Variants in ADARB2 observed in about 807,000 individuals in gnomAD.
The protein encoded by ADARB2 is inactive double-stranded RNA-specific editase B2.
A neutral mutation model predicts 62.2 loss-of-function variants in ADARB2; 25 were observed. The observed-to-expected ratio is 0.40, with a 90% CI of 0.29 to 0.56. The LOEUF (loss-of-function observed/expected upper bound fraction) is 0.56, where lower values mean the gene tolerates loss of function less well. Ranked by LOEUF, ADARB2 falls within the 20% of genes least tolerant of loss-of-function variation. The probability of loss-of-function intolerance (pLI) is 0.43; values close to 1 mark genes in which losing one functional copy is unlikely to be tolerated. For synonymous variants in ADARB2, 572 were observed against 500.8 expected, an observed-to-expected ratio of 1.14 and a Z score of -1.90; for missense variants, 1,071 against 1,077.4, an observed-to-expected ratio of 0.99 and a Z score of 0.08.
At chr10:1,288,404 C>T (rs376317557) in intron 3 of ADARB2, among the ~76,000 whole-genome samples, 7 of 152,322 alleles carry the variant, frequency 4.6e-5, no homozygotes, top group Admixed American at 2.0e-4. Flanking sequence ...CAAGTAACAG[C>T]GAGTGTCATT....
At chr10:1,503,615 C>T (rs1337134803) in intron 1 of ADARB2, among the ~76,000 whole-genome samples, 1 of 152,078 alleles carries the variant, frequency 6.6e-6, no homozygotes, top group Non-Finnish European at 1.5e-5. Flanking sequence ...TGATCTGTGT[C>T]CCCATCCACA....
At chr10:1,531,549 T>G (rs186593509) in intron 1 of ADARB2, among the ~76,000 whole-genome samples, 132 of 152,302 alleles carry the variant, frequency 8.7e-4, no homozygotes, top group Non-Finnish European at 1.6e-3. Flanking sequence ...ACAGTAATAG[T>G]GCTCTAGAGA....
chr10:1,722,841 A>T (rs1835109818), intron 1 of ADARB2, among the ~76,000 whole-genome samples: 1 of 152,162 alleles, frequency 6.6e-6, no homozygotes, highest in South Asian at 2.1e-4. Context: ...GTTTCCTTTA[A>T]CCCTCAAATC....
At chr10:1,479,839 T>C (rs892833431) in intron 1 of ADARB2, among the ~76,000 whole-genome samples, 4 of 152,198 alleles carry the variant, frequency 2.6e-5, no homozygotes, top group African/African-American at 9.6e-5. Context: ...AAGGTTTAGC[T>C]TCTCTCAATA....
intron 2 of ADARB2, among the ~76,000 whole-genome samples, chr10:1,372,366 C>A (rs1477838347): frequency 6.6e-6 from 1 of 152,148 alleles, no homozygotes; most frequent in African/African-American, 2.4e-5. Flanking sequence ...ACAATGTTCA[C>A]TATTTGGGTA....
chr10:1,614,727 C>T (rs916490580), intron 1 of ADARB2, among the ~76,000 whole-genome samples: 4 of 152,098 alleles, frequency 2.6e-5, no homozygotes, highest in Non-Finnish European at 2.9e-5. Flanking sequence ...CTGGCTAACA[C>T]GGTGAAACCC....
At chr10:1,350,815 C>T (rs1203668854) in intron 3 of ADARB2, among the ~76,000 whole-genome samples, 1 of 152,132 alleles carries the variant, frequency 6.6e-6, no homozygotes, top group Non-Finnish European at 1.5e-5. Flanking sequence ...CCCTCAAACC[C>T]CACAGCAGGA....
chr10:1,200,296 AC>A (rs1836968825), intron 7 of ADARB2, 149 bp from the exon 8 acceptor site: 1 of 1,011,786 alleles, frequency 9.9e-7, no homozygotes, highest in East Asian at 2.6e-5. Context: ...CCCAGACCCA[AC>A]CCAGCCATCA....
At chr10:1,678,736 G>A (rs1834499968) in intron 1 of ADARB2, among the ~76,000 whole-genome samples, 1 of 152,022 alleles carries the variant, frequency 6.6e-6, no homozygotes, top group Non-Finnish European at 1.5e-5. Context: ...TTTGCCCGAG[G>A]TGCAGCTGGG....
chr10:1,693,060 G>A (rs537418765), intron 1 of ADARB2, among the ~76,000 whole-genome samples: 1 of 152,300 alleles, frequency 6.6e-6, no homozygotes, highest in Non-Finnish European at 1.5e-5. Context: ...AGGATTTGAT[G>A]TCATCACTTA....
chr10:1,517,720 C>T (rs938655528), intron 1 of ADARB2, among the ~76,000 whole-genome samples: 6 of 152,134 alleles, frequency 3.9e-5, no homozygotes, highest in African/African-American at 1.2e-4. Flanking sequence ...CTGTGAGAGT[C>T]CATTTTCATG....
intron 1 of ADARB2, among the ~76,000 whole-genome samples, chr10:1,735,755 C>A (rs922263922): frequency 2.0e-5 from 3 of 152,192 alleles, no homozygotes; most frequent in African/African-American, 4.8e-5. Flanking sequence ...GCTCCAAAAC[C>A]TTTTGAGGAA....
chr10:1,202,878 C>T (rs998019024), intron 7 of ADARB2, among the ~76,000 whole-genome samples: 3 of 152,228 alleles, frequency 2.0e-5, no homozygotes, highest in African/African-American at 7.2e-5. Flanking sequence ...ACAAAACTTC[C>T]GGAACGTATG....
chr10:1,271,896 C>T (rs1831266830), intron 3 of ADARB2, among the ~76,000 whole-genome samples: 1 of 152,230 alleles, frequency 6.6e-6, no homozygotes. Context: ...GTTGGACCCT[C>T]AGTTCTGCCA....
chr10:1,652,585 G>A lies in ADARB2; in HGVS notation c.100+84466C>T, dbSNP rs149509427. ...TGCAAAAGAAAGTCATTGCTTGCTA[G>A]AATTGTTGCTATGATTTTTCCTTAT... On this transcript the variant is annotated intron_variant, in intron 1 of 9. Transcript: ENST00000381312. 2.9e-3 allele frequency among the ~76,000 whole-genome samples: 438 copies of A among 152,312 alleles called. 3 individuals are homozygous for A. Among genetic ancestry groups the A allele is most frequent in the South Asian group, 5.6e-3 (27 of 4,826 alleles).
chr10:1,388,790 T>A (rs1832545300), intron 1 of ADARB2, among the ~76,000 whole-genome samples: 1 of 152,192 alleles, frequency 6.6e-6, no homozygotes, highest in African/African-American at 2.4e-5. Flanking sequence ...ATATCAACTG[T>A]CCCCTAATTT....
At chr10:1,494,294 G>T (rs1831661221) in intron 1 of ADARB2, among the ~76,000 whole-genome samples, 1 of 152,146 alleles carries the variant, frequency 6.6e-6, no homozygotes, top group African/African-American at 2.4e-5. Context: ...GCAGCTTTGG[G>T]TCTGAGGTCA....
intron 4 of ADARB2, among the ~76,000 whole-genome samples, chr10:1,254,171 A>G (rs77059274): frequency 7.1e-5 from 10 of 141,276 alleles, no homozygotes; most frequent in South Asian, 2.2e-4. Flanking sequence ...TGGTTAGGAC[A>G]TGGTGGGCTC....
intron 1 of ADARB2, among the ~76,000 whole-genome samples, chr10:1,511,370 G>A (rs1831934207): frequency 6.6e-6 from 1 of 152,148 alleles, no homozygotes; most frequent in African/African-American, 2.4e-5. Context: ...AAACAGAAAA[G>A]GGGGACTCTC....
Sources: allele counts gnomAD v4.1 joint callset (sites outside exome capture counted in the v4.1 genomes callset), GRCh38; gene constraint gnomAD v4.1.1; transcripts MANE v1.5; gene names NCBI Gene and HGNC (gene_info 2026-07-23, HGNC 2026-07-21).